The following ZNF536 variants were observed in gnomAD, a reference collection of about 807,000 sequenced individuals.
The protein encoded by ZNF536 is zinc finger protein 536.
A neutral mutation model predicts 84.5 loss-of-function variants in ZNF536; 13 were observed. That is an observed-to-expected ratio of 0.15 (90% CI 0.10 to 0.24). The LOEUF (loss-of-function observed/expected upper bound fraction) is 0.24. Ranked by LOEUF, ZNF536 falls within the 10% of genes least tolerant of loss-of-function variation. ZNF536 has a pLI of 1.00. For missense variants in ZNF536, 1,536 were observed against 1,747.5 expected (o/e 0.88, Z 2.16); for synonymous variants, 811 against 742.5 (o/e 1.09, Z -1.50).
At chr19:30,261,125 C>T (rs925359937) in intron 1 of ZNF536, among the ~76,000 whole-genome samples, 6 of 151,184 alleles carry the variant, frequency 4.0e-5, no homozygotes, top group African/African-American at 7.3e-5. Flanking sequence ...GGTGAAACCC[C>T]GTCTCTACTA....
intron 1 of ZNF536, among the ~76,000 whole-genome samples, chr19:30,250,829 T>A (rs1006019136): frequency 6.7e-6 from 1 of 148,866 alleles, no homozygotes; most frequent in Non-Finnish European, 1.5e-5. Flanking sequence ...CAATGATGAC[T>A]GTTTTGATGC....
chr19:30,630,837 G>T (rs541142462), intron 1 of ZNF536, among the ~76,000 whole-genome samples: 1 of 152,214 alleles, frequency 6.6e-6, no homozygotes, highest in Non-Finnish European at 1.5e-5. Flanking sequence ...GCCACTTGCT[G>T]AAAAATTAAT....
chr19:30,522,269 A>ATGTG (rs1418909477), intron 2 of ZNF536, among the ~76,000 whole-genome samples: 6 of 9,558 alleles, frequency 6.3e-4, no homozygotes, highest in East Asian at 1.5e-3. Flanking sequence ...ATACATATAT[A>ATGTG]TATACATATA....
At chr19:30,294,917 T>G (rs537877768) in intron 2 of ZNF536, among the ~76,000 whole-genome samples, 1 of 152,268 alleles carries the variant, frequency 6.6e-6, no homozygotes, top group African/African-American at 2.4e-5. Flanking sequence ...GGAGGCTGGT[T>G]CTGATGTCTA....
At chr19:30,664,201 GTTTTCTCTCTCTCTCTC>G (rs1568650056) in intron 1 of ZNF536, among the ~76,000 whole-genome samples, 1 of 110,546 alleles carries the variant, frequency 9.0e-6, no homozygotes, top group Non-Finnish European at 1.9e-5. Context: ...TTCTTGCTGA[GTTTTCTCTCTCTCTCTC>G]TCTCTCTCTC....
chr19:30,312,130 C>T (rs992980994), intron 2 of ZNF536, among the ~76,000 whole-genome samples: 9 of 152,094 alleles, frequency 5.9e-5, no homozygotes, highest in Non-Finnish European at 1.0e-4. Flanking sequence ...CACTGGTGCC[C>T]GTGCCACGGT....
chr19:30,532,006 C>T (rs2044846936), intron 2 of ZNF536, among the ~76,000 whole-genome samples: 1 of 152,178 alleles, frequency 6.6e-6, no homozygotes, highest in African/African-American at 2.4e-5. Context: ...AGGACATTCT[C>T]CTGCAGCTTT....
Position 30,548,089 on chromosome 19 carries a change from G to C in ZNF536, c.2470G>C (p.Glu824Gln), listed in dbSNP as rs766261343. The stretch of plus-strand genomic sequence containing the variant: ...ACCCCCAAATCAAGACCACAAGGAT[G>C]AGATGTCAAGCAAAGCTTCTCTGTT... ...GQPPNQDHKD[E>Q]MSSKASLFIR... The change falls in exon 4 of 5, where the codon GAG (glutamate) becomes CAG (glutamine). Residue 824 changes from glutamate to glutamine, a missense_variant. Physicochemically the swap from Glu to Gln is conservative, Grantham distance 29. Transcript: ENST00000355537. The C allele has an allele frequency of 3.8e-5, 61 of 1,613,998 alleles. No homozygotes were observed. The highest frequency in any genetic ancestry group is 4.9e-5 in the Non-Finnish European group (58 of 1,180,010).
intron 1 of ZNF536, among the ~76,000 whole-genome samples, chr19:30,253,428 T>C (rs2024726786): frequency 1.3e-5 from 2 of 152,224 alleles, no homozygotes; most frequent in South Asian, 2.1e-4. Flanking sequence ...CAGTTTGGGC[T>C]TCAGTGTGGA....
At position 30,421,469 on chromosome 19, in the gene ZNF536, C is replaced by T. The variant is rs2050954654; in HGVS notation, c.-2-22092C>T. Among the ~76,000 whole-genome samples the T allele has an allele frequency of 3.3e-5, 5 of 152,098 alleles. No individual in the cohort carries two copies. In the South Asian group the frequency reaches 1.0e-3, roughly 32 times the overall value. ...GTGGCACAATCAGAGCTCACTGTAG[C>T]CTCCCAGTTCCTGGCCTCCTGGGTA... is the stretch of plus-strand genomic sequence containing the variant. On this transcript the variant is annotated intron_variant, in intron 1 of 4. Transcript: ENST00000355537.
chr19:30,511,887 C>T (rs1181134503), intron 2 of ZNF536, among the ~76,000 whole-genome samples: 1 of 152,072 alleles, frequency 6.6e-6, no homozygotes, highest in Admixed American at 6.5e-5. Flanking sequence ...GTTTCTGGTG[C>T]TATTTATCCT....
chr19:30,640,971 C>T (rs981698267), intron 1 of ZNF536, among the ~76,000 whole-genome samples: 3 of 152,164 alleles, frequency 2.0e-5, no homozygotes, highest in Non-Finnish European at 4.4e-5. Context: ...ACATGAAAAC[C>T]CTATGCAGCT....
At chr19:30,527,393 G>A (rs568115752) in intron 2 of ZNF536, among the ~76,000 whole-genome samples, 22 of 152,024 alleles carry the variant, frequency 1.4e-4, no homozygotes, top group African/African-American at 4.6e-4. Flanking sequence ...TCTATCTCAC[G>A]TGTCCCAGGG....
Position 30,625,342 on chromosome 19 carries a change from G to A in ZNF536, c.169+75828G>A, listed in dbSNP as rs549639112. On this transcript the variant is annotated intron_variant, in intron 1 of 1. Coordinates refer to the ZNF536 transcript ENST00000592773. ...AAAATCACCTATTTGGATTTTCCCA[G>A]TGAGAACACCATTCTAATCTAGGAG... 5.3e-5 allele frequency among the ~76,000 whole-genome samples: 8 copies of A among 152,338 alleles called. No homozygotes were observed. The South Asian group carries it at 1.7e-3, about 32-fold the overall frequency.
chr19:30,445,185 G>C lies in ZNF536; in HGVS notation c.1623G>C (p.Glu541Asp), dbSNP rs2052261968. Residue 541 changes from glutamate to aspartate, a missense_variant, in exon 2 of 5, where the codon GAG (glutamate) becomes GAC (aspartate). By Grantham distance (45) the Glu-to-Asp change is conservative (BLOSUM62 2). Coordinates refer to ENST00000355537, the MANE Select transcript of ZNF536 (RefSeq NM_014717.3). This position sits in a 1 kb window ranked among gnomAD's most constrained non-coding sequence, Gnocchi z 4.5. The stretch of plus-strand genomic sequence containing the variant: ...TGGAACATGGCTTCTTGTCTAAAGA[G>C]CATCCGCTGCAGCGCAACCACGAAG... Reference protein sequence around the residue: ...MAMEHGFLSKEHPLQRNHEDT... With the variant: ...MAMEHGFLSKDHPLQRNHEDT... 3 of 1,614,204 alleles carry C rather than the reference G, an allele frequency of 1.9e-6. No individual in the cohort carries two copies. The highest frequency in any genetic ancestry group is 2.5e-6 in the Non-Finnish European group (3 of 1,180,048).
At position 30,443,631 on chromosome 19, in the gene ZNF536, C is replaced by G. The variant is rs1421221008; in HGVS notation, c.69C>G (p.Gly23=). ...AEPEAEPHLS[G]PVLNGQYAMS... is the part of the protein sequence containing the mutation. ...CGGAAGCTGAGCCCCACCTGAGTGGCCCCGTCCTCAACGGCCAGTATGCCA... is the reference window on the plus strand; with the variant it reads ...CGGAAGCTGAGCCCCACCTGAGTGGGCCCGTCCTCAACGGCCAGTATGCCA... Residue 23 remains glycine (G), a synonymous_variant, in exon 2 of 5, where the codon GGC becomes GGG. Coordinates refer to ENST00000355537, the MANE Select transcript of ZNF536 (RefSeq NM_014717.3). The G allele has an allele frequency of 6.2e-7, 1 of 1,610,074 alleles. No homozygotes were observed. The highest frequency in any genetic ancestry group is 8.5e-7 in the Non-Finnish European group (1 of 1,178,270).
chr19:30,557,306 G>A lies in ZNF536; in HGVS notation c.*142G>A. 5.3e-6 allele frequency: 5 copies of A among 947,438 alleles called. No individual in the cohort carries two copies. The highest frequency in any genetic ancestry group is 8.4e-6 in the Non-Finnish European group (5 of 597,076). The allele number at this position is 947,438 out of a possible 1,614,324, so 58.7% of individuals were successfully genotyped here. On this transcript the variant is annotated 3_prime_UTR_variant, in exon 5 of 5. Transcript: ENST00000355537. Reference sequence around the variant, plus strand: ...TGTTGAATAATTACTATTGGCATAGGTATGTGTATACACACGGTGCACCAA... The same window carrying A: ...TGTTGAATAATTACTATTGGCATAGATATGTGTATACACACGGTGCACCAA...
intron 2 of ZNF536, among the ~76,000 whole-genome samples, chr19:30,501,921 T>C (rs2054966374): frequency 1.3e-5 from 2 of 152,158 alleles, no homozygotes; most frequent in African/African-American, 4.8e-5. Context: ...ATAAATGGGC[T>C]AAGGGAGGTA....
At chr19:30,311,603 G>T (rs1194892610) in intron 2 of ZNF536, among the ~76,000 whole-genome samples, 2 of 151,990 alleles carry the variant, frequency 1.3e-5, no homozygotes, top group African/African-American at 4.8e-5. Flanking sequence ...CATTGAAGCA[G>T]CTTTACATCA....
Sources: allele counts gnomAD v4.1 joint callset (sites outside exome capture counted in the v4.1 genomes callset), GRCh38; gene constraint gnomAD v4.1.1; non-coding constraint Gnocchi (gnomAD v3.1); transcripts MANE v1.5; gene names NCBI Gene and HGNC (gene_info 2026-07-23, HGNC 2026-07-21).